Variants in LARP1B observed in about 807,000 individuals in gnomAD.
The protein encoded by LARP1B is la-related protein 1B.
Under a neutral mutation model 114.2 loss-of-function variants are expected in LARP1B, and 76 were observed. That is an observed-to-expected ratio of 0.67 (90% CI 0.55 to 0.81). LARP1B has a LOEUF of 0.81. LARP1B is among the 30% of genes least tolerant of loss of function. LARP1B has a pLI of 0.00. For missense variants in LARP1B, 1,014 were observed against 1,075.8 expected, an observed-to-expected ratio of 0.94 and a Z score of 0.80; for synonymous variants, 345 against 348.0, an observed-to-expected ratio of 0.99 and a Z score of 0.10.
chr4:128,180,983 T>C (rs532375265), intron 15 of LARP1B, among the ~76,000 whole-genome samples: 1 of 152,288 alleles, frequency 6.6e-6, no homozygotes, highest in South Asian at 2.1e-4. Context: ...GTGTATCTTT[T>C]TCTACCTTTT....
At chr4:128,119,779 A>C (rs1787286268) in intron 10 of LARP1B, among the ~76,000 whole-genome samples, 1 of 152,204 alleles carries the variant, frequency 6.6e-6, no homozygotes, top group South Asian at 2.1e-4. Context: ...AAGTCATAAA[A>C]GTCTTTGATC....
intron 1 of LARP1B, among the ~76,000 whole-genome samples, chr4:128,063,798 AC>A (rs1294300001): frequency 8.5e-5 from 13 of 152,310 alleles, no homozygotes; most frequent in African/African-American, 2.4e-4. Context: ...ACACAAAAAA[AC>A]AAAACCGTAT....
chr4:128,090,649 G>T (rs1001480260), intron 5 of LARP1B, among the ~76,000 whole-genome samples: 3 of 152,022 alleles, frequency 2.0e-5, no homozygotes, highest in Non-Finnish European at 4.4e-5. Context: ...TAAATATTTC[G>T]TGAGAAATGT....
intron 1 of LARP1B, among the ~76,000 whole-genome samples, chr4:128,069,959 T>A (rs1764570976): frequency 6.6e-6 from 1 of 152,112 alleles, no homozygotes; most frequent in Admixed American, 6.6e-5. Flanking sequence ...TTTAAGTAAG[T>A]TATATAGAAA....
At chr4:128,100,901 T>A (rs931303924) in intron 8 of LARP1B, among the ~76,000 whole-genome samples, 46 of 151,000 alleles carry the variant, frequency 3.0e-4, no homozygotes, top group African/African-American at 9.2e-4. Flanking sequence ...CACTGCAACC[T>A]GCGTTTCCTG....
intron 1 of LARP1B, among the ~76,000 whole-genome samples, chr4:128,065,222 A>G (rs1761924659): frequency 8.3e-6 from 1 of 120,112 alleles, no homozygotes; most frequent in Admixed American, 8.3e-5. Context: ...TCTCTTCCCA[A>G]CACTGACTCT....
intron 4 of LARP1B, among the ~76,000 whole-genome samples, chr4:128,081,357 G>A (rs924920288): frequency 6.7e-6 from 1 of 149,300 alleles, no homozygotes; most frequent in Non-Finnish European, 1.5e-5. Context: ...AGGATTACAG[G>A]CATGAGCCAC....
intron 11 of LARP1B, among the ~76,000 whole-genome samples, chr4:128,140,293 A>G (rs534217756): frequency 6.6e-6 from 1 of 152,354 alleles, no homozygotes; most frequent in South Asian, 2.1e-4. Context: ...TGAAGTATCT[A>G]TCAGTAGCTG....
At chr4:128,069,674 A>T (rs1485197028) in intron 1 of LARP1B, 3 of 493,264 alleles carry the variant, frequency 6.1e-6, no homozygotes, top group Non-Finnish European at 1.1e-5. Flanking sequence ...TTAAAATCAC[A>T]ATATGGGTTT....
intron 11 of LARP1B, among the ~76,000 whole-genome samples, chr4:128,138,225 C>T (rs956572535): frequency 6.6e-6 from 1 of 151,578 alleles, no homozygotes; most frequent in African/African-American, 2.4e-5. Flanking sequence ...CTTATCATAA[C>T]AAAAAAAGAA....
intron 11 of LARP1B, among the ~76,000 whole-genome samples, chr4:128,152,463 A>G (rs954917898): frequency 1.3e-4 from 20 of 152,000 alleles, no homozygotes; most frequent in African/African-American, 4.8e-4. Flanking sequence ...CGGCCTCCCA[A>G]AGTGCTGAGA....
At chr4:128,089,780 T>G (rs1424056784) in intron 5 of LARP1B, among the ~76,000 whole-genome samples, 1 of 151,758 alleles carries the variant, frequency 6.6e-6, no homozygotes. Context: ...TTTTCTTTTT[T>G]TTTTATTCTG....
chr4:128,217,031 T>A (rs889527906), intron 6 of LARP1B, among the ~76,000 whole-genome samples: 17 of 150,936 alleles, frequency 1.1e-4, no homozygotes, highest in African/African-American at 4.1e-4. Flanking sequence ...GCAAATAAAC[T>A]AGAAAATCTA....
intron 9 of LARP1B, among the ~76,000 whole-genome samples, chr4:128,112,058 A>T (rs932004487): frequency 3.3e-5 from 5 of 152,032 alleles, no homozygotes. Context: ...TCTGGAGTTA[A>T]TATTTTTCCC....
intron 9 of LARP1B, 32 bp from the exon 10 acceptor site, chr4:128,114,537 CA>C (rs757156539): frequency 6.7e-7 from 1 of 1,493,784 alleles, no homozygotes; most frequent in East Asian, 2.3e-5. Context: ...AAGCCATTAT[CA>C]TTTTAACTAT....
At chr4:128,083,305 C>A (rs1771403173) in intron 5 of LARP1B, among the ~76,000 whole-genome samples, 1 of 152,016 alleles carries the variant, frequency 6.6e-6, no homozygotes, top group Non-Finnish European at 1.5e-5. Context: ...CATTGTCATC[C>A]TGGCCCGTTC....
intron 7 of LARP1B, among the ~76,000 whole-genome samples, chr4:128,094,854 C>T (rs186290018): frequency 9.9e-5 from 15 of 152,076 alleles, no homozygotes; most frequent in East Asian, 5.8e-4. Flanking sequence ...CGAGTCCAAG[C>T]GATTCTCCTG....
In LARP1B at chr4:128,210,168, A is replaced by G. The variant is rs1325856504; in HGVS notation, c.*115A>G. 30 of 1,526,544 alleles carry G rather than the reference A, an allele frequency of 2.0e-5. No individual in the cohort carries two copies. Among genetic ancestry groups the G allele is most frequent in the Admixed American group, 1.1e-4 (5 of 46,744 alleles). 94.6% of individuals were successfully genotyped at this position (1,526,544 alleles called of 1,614,324 possible). A position where few individuals can be genotyped will look rare whatever the true frequency, so the allele number is the denominator to read the frequency against. On this transcript the variant is annotated 3_prime_UTR_variant, in exon 20 of 20. Coordinates refer to ENST00000326639, the MANE Select transcript of LARP1B (RefSeq NM_018078.4). ...ATTTACATCAGTATTTATTTGGGGA[A>G]AATCTTCTGGTGTTTAATTGTGATA...
intron 11 of LARP1B, among the ~76,000 whole-genome samples, chr4:128,152,714 T>G (rs1412120465): frequency 6.6e-6 from 1 of 151,810 alleles, no homozygotes; most frequent in African/African-American, 2.4e-5. Flanking sequence ...TAGTATGGAC[T>G]CCAACATGGA....
Sources: allele counts gnomAD v4.1 joint callset (sites outside exome capture counted in the v4.1 genomes callset), GRCh38; gene constraint gnomAD v4.1.1; transcripts MANE v1.5; gene names NCBI Gene and HGNC (gene_info 2026-07-23, HGNC 2026-07-21).